DNAH11: variants seen among roughly 807,000 people sequenced by gnomAD.
The protein encoded by DNAH11 is dynein axonemal heavy chain 11.
Under a neutral mutation model 526.0 loss-of-function variants are expected in DNAH11, and 442 were observed. That is an observed-to-expected ratio of 0.84 (90% CI 0.78 to 0.91). DNAH11 has a LOEUF of 0.91. Among genes scored for constraint, DNAH11 ranks in the 40% least tolerant of loss-of-function variants. The pLI, the probability that DNAH11 is intolerant of heterozygous loss-of-function variation, is 0.00. For synonymous variants in DNAH11, 2,461 were observed against 1,935.9 expected, an observed-to-expected ratio of 1.27 and a Z score of -7.12; for missense variants, 6,989 against 5,448.7, an observed-to-expected ratio of 1.28 and a Z score of -8.90.
chr7:21,820,570 C>T (rs1790009847), intron 65 of DNAH11, among the ~76,000 whole-genome samples: 1 of 152,076 alleles, frequency 6.6e-6, no homozygotes, highest in Non-Finnish European at 1.5e-5. Context: ...CAAATAGAAT[C>T]CAAATGGGTG....
At position 21,561,161 on chromosome 7, in the gene DNAH11, G is replaced by T; in HGVS notation, c.973G>T (p.Val325Leu). Residue 325 changes from valine to leucine, a missense_variant, in exon 5 of 82, where the codon GTG (valine) becomes TTG (leucine). Val to Leu is a conservative substitution (Grantham distance 32, BLOSUM62 1). Transcript: ENST00000409508. ...TACTCTGAAGGACATTTTTCTGGCT[G>T]TGGAAAATGGTAAGACTCTTGTTCC... The part of the protein sequence containing the change: ...FPTLKDIFLA[V>L]ENALLEAQDV... 1 of 1,588,288 alleles carries T rather than the reference G, an allele frequency of 6.3e-7. No individual in the cohort carries two copies. Among genetic ancestry groups the T allele is most frequent in the Non-Finnish European group, 8.6e-7 (1 of 1,165,752 alleles).
chr7:21,831,553 T>C (rs1315540107), intron 65 of DNAH11, among the ~76,000 whole-genome samples: 2 of 152,204 alleles, frequency 1.3e-5, no homozygotes, highest in Non-Finnish European at 2.9e-5. Flanking sequence ...AACCCAGTTT[T>C]ATAGGCAGAC....
chr7:21,693,271 T>G (rs1225130275), intron 35 of DNAH11, among the ~76,000 whole-genome samples: 1 of 152,238 alleles, frequency 6.6e-6, no homozygotes, highest in Non-Finnish European at 1.5e-5. Flanking sequence ...CTATATTGAT[T>G]GATTTTCAAA....
chr7:21,704,167 T>C (rs1241886951), intron 37 of DNAH11, among the ~76,000 whole-genome samples: 1 of 152,236 alleles, frequency 6.6e-6, no homozygotes, highest in Non-Finnish European at 1.5e-5. Flanking sequence ...TTTCTGAAGA[T>C]CAAAACAGAT....
chr7:21,704,676 G>A (rs1372187308), intron 38 of DNAH11, 48 bp downstream of exon 38: 1 of 1,566,232 alleles, frequency 6.4e-7, no homozygotes, highest in South Asian at 1.2e-5. Context: ...ATTGTCAGTG[G>A]AAATAATTGT....
intron 73 of DNAH11, among the ~76,000 whole-genome samples, chr7:21,871,305 A>G (rs1783486876): frequency 1.3e-5 from 2 of 152,252 alleles, no homozygotes; most frequent in Admixed American, 1.3e-4. Context: ...TGCATTTCCA[A>G]GACATATAGA....
chr7:21,587,800 A>G (rs1784525267), intron 9 of DNAH11, among the ~76,000 whole-genome samples: 1 of 152,216 alleles, frequency 6.6e-6, no homozygotes, highest in African/African-American at 2.4e-5. Context: ...ACAGGAAATA[A>G]TATTAGCTGT....
chr7:21,633,519 C>G (rs1410484883), intron 25 of DNAH11, among the ~76,000 whole-genome samples: 3 of 152,184 alleles, frequency 2.0e-5, no homozygotes, highest in African/African-American at 7.2e-5. Flanking sequence ...TTTTAAATCA[C>G]ATTTTTTAAA....
At chr7:21,839,907 C>T (rs557264558) in intron 65 of DNAH11, among the ~76,000 whole-genome samples, 5 of 152,236 alleles carry the variant, frequency 3.3e-5, no homozygotes, top group Non-Finnish European at 7.4e-5. Flanking sequence ...CTGATCAGTC[C>T]TTTGGGATTT....
chr7:21,860,758 C>T (rs150228066), intron 68 of DNAH11, among the ~76,000 whole-genome samples: 3 of 152,070 alleles, frequency 2.0e-5, no homozygotes, highest in African/African-American at 7.2e-5. Context: ...AAAGACATAC[C>T]CAAGAGACTG....
intron 36 of DNAH11, among the ~76,000 whole-genome samples, chr7:21,699,272 T>G (rs906670416): frequency 6.6e-6 from 1 of 152,160 alleles, no homozygotes; most frequent in African/African-American, 2.4e-5. Flanking sequence ...TTTCCTTGTC[T>G]CTAAAATGGG....
rs62447786 is a variant in DNAH11 at position 21,620,313 on chromosome 7, C to A, written c.4500+235C>A. 0.095 allele frequency among the ~76,000 whole-genome samples: 14,368 copies of A among 152,030 alleles called. 840 individuals are homozygous for A. The highest frequency in any genetic ancestry group is 0.15 in the African/African-American group (6,355 of 41,454). ...TTATTTATTGTAGTCACCAACTGTG[C>A]AATAGATCACTAAAGCTTATTCCTC... is the stretch of plus-strand genomic sequence containing the variant. On this transcript the variant is annotated intron_variant, in intron 25 of 81. Transcript: ENST00000409508.
Position 21,789,323 on chromosome 7 carries a change from C to G in DNAH11, c.10007C>G (p.Ala3336Gly). 1 of 1,570,002 alleles carries G rather than the reference C, an allele frequency of 6.4e-7. No individual in the cohort carries two copies. The highest frequency in any genetic ancestry group is 8.6e-7 in the Non-Finnish European group (1 of 1,157,240). Residue 3336 changes from alanine to glycine, a missense_variant, in exon 61 of 82, where the codon GCT becomes GGT. Ala to Gly is a moderately conservative substitution (Grantham distance 60). Coordinates refer to ENST00000409508, the MANE Select transcript of DNAH11 (RefSeq NM_001277115.2). The stretch of plus-strand genomic sequence containing the variant: ...GCTGCAGCTACTGAAAAACTAGAGG[C>G]TATCAGGAAAAAGCTTGTGGTGAGT... Reference protein sequence around the residue: ...ELAAATEKLEAIRKKLVDLDR... With the variant: ...ELAAATEKLEGIRKKLVDLDR...
At chr7:21,833,400 A>G (rs1008930580) in intron 65 of DNAH11, among the ~76,000 whole-genome samples, 1 of 152,206 alleles carries the variant, frequency 6.6e-6, no homozygotes, top group Non-Finnish European at 1.5e-5. Flanking sequence ...CAATGAAAAG[A>G]TGACAGGATG....
intron 39 of DNAH11, among the ~76,000 whole-genome samples, chr7:21,707,427 T>G (rs1369827860): frequency 6.6e-6 from 1 of 152,250 alleles, no homozygotes; most frequent in Admixed American, 6.5e-5. Flanking sequence ...GTACACATGA[T>G]TAAAAATCTC....
intron 76 of DNAH11, among the ~76,000 whole-genome samples, chr7:21,885,585 C>G (rs1314028752): frequency 6.6e-6 from 1 of 151,938 alleles, no homozygotes; most frequent in African/African-American, 2.4e-5. Context: ...TATTGTATAT[C>G]TAAAAATAGC....
chr7:21,592,303 T>C (rs1296454449), intron 14 of DNAH11, among the ~76,000 whole-genome samples: 8 of 152,150 alleles, frequency 5.3e-5, no homozygotes, highest in African/African-American at 1.9e-4. Flanking sequence ...CAGGCCTCTT[T>C]CCTAAGATAG....
intron 61 of DNAH11, among the ~76,000 whole-genome samples, chr7:21,789,805 CTTTT>C (rs60696463): frequency 1.7e-5 from 1 of 59,660 alleles, no homozygotes; most frequent in Non-Finnish European, 3.6e-5. Flanking sequence ...TTCTTTCTTT[CTTTT>C]TTCTTTCTTT....
chr7:21,556,148 G>C (rs1239200436), intron 2 of DNAH11, among the ~76,000 whole-genome samples: 1 of 152,118 alleles, frequency 6.6e-6, no homozygotes, highest in Non-Finnish European at 1.5e-5. Context: ...GTTATACCCT[G>C]GTCCCTTTCT....
Sources: gnomAD v4.1 joint callset for allele counts (sites outside exome capture counted in the v4.1 genomes callset) on GRCh38, gnomAD v4.1.1 for gene constraint, MANE v1.5 for transcripts, NCBI Gene and HGNC (gene_info 2026-07-23, HGNC 2026-07-21) for gene names.